The following TBC1D22B variants were observed in gnomAD, a reference collection of about 807,000 sequenced individuals.
TBC1D22B encodes the protein chromosome 6 open reading frame 197.
A neutral mutation model predicts 69.1 loss-of-function variants in TBC1D22B; 32 were observed. That is an observed-to-expected ratio of 0.46 (90% CI 0.35 to 0.62). The LOEUF (loss-of-function observed/expected upper bound fraction) is 0.62, where lower values mean the gene tolerates loss of function less well. Ranked by LOEUF, TBC1D22B falls within the 20% of genes least tolerant of loss-of-function variation. TBC1D22B has a pLI of 0.00. For synonymous variants in TBC1D22B, 206 were observed against 229.8 expected, an observed-to-expected ratio of 0.90 and a Z score of 0.94; for missense variants, 462 against 630.9, an observed-to-expected ratio of 0.73 and a Z score of 2.87.
chr6:37,308,575 G>T (rs1767807556), intron 8 of TBC1D22B, among the ~76,000 whole-genome samples: 1 of 152,156 alleles, frequency 6.6e-6, no homozygotes, highest in Non-Finnish European at 1.5e-5. Context: ...CCCCAAAATA[G>T]GGTTCAGCAC....
At chr6:37,285,055 C>T (rs953398148) in intron 6 of TBC1D22B, among the ~76,000 whole-genome samples, 1 of 152,136 alleles carries the variant, frequency 6.6e-6, no homozygotes, top group Admixed American at 6.5e-5. Context: ...GCGGAAAGGT[C>T]TGCTCCCAAC....
intron 4 of TBC1D22B, 103 bp from the exon 5 acceptor site, chr6:37,282,779 G>T (rs1349223110): frequency 5.4e-6 from 6 of 1,113,560 alleles, no homozygotes; most frequent in Middle Eastern, 4.4e-4. Context: ...GGTGGTGGTG[G>T]TGGTCTTACA....
chr6:37,288,469 G>C (rs930433342), intron 7 of TBC1D22B, among the ~76,000 whole-genome samples: 5 of 152,190 alleles, frequency 3.3e-5, no homozygotes, highest in African/African-American at 1.2e-4. Context: ...CCAGCACTTT[G>C]GGAGGCCAAG....
At position 37,324,245 on chromosome 6, in the gene TBC1D22B, G is replaced by C. The variant is rs369148395; in HGVS notation, c.1390-6799G>C. The C allele has an allele frequency of 2.9e-4, 132 of 455,230 alleles. No homozygotes were observed. In the East Asian group the frequency reaches 6.8e-3, roughly 24 times the overall value. The allele number at this position is 455,230 out of a possible 1,614,324, so 28.2% of individuals were successfully genotyped here. On this transcript the variant is annotated intron_variant, in intron 12 of 12. Coordinates refer to ENST00000373491, the MANE Select transcript of TBC1D22B (RefSeq NM_017772.4). ...TTTGTTGCTCATCATTATACATCCT[G>C]TGTTTGGTTGTGCCAGCCCTTATTG...
At chr6:37,292,037 A>G (rs1003750860) in intron 8 of TBC1D22B, among the ~76,000 whole-genome samples, 1 of 152,212 alleles carries the variant, frequency 6.6e-6, no homozygotes, top group Non-Finnish European at 1.5e-5. Context: ...TGAGAGAGTC[A>G]CAGGAAAACC....
rs1766051332 is a variant in TBC1D22B, at chr6:37,260,480, G to A, written c.56+2507G>A. ...TTTTTAAAAATAACAGCTTTATTGA[G>A]ATATAATTCACATACCATAAAATTC... On this transcript the variant is annotated intron_variant, in intron 1 of 12. Coordinates refer to ENST00000373491, the MANE Select transcript of TBC1D22B (RefSeq NM_017772.4). Among the ~76,000 whole-genome samples, 3 of 152,260 alleles carry A rather than the reference G, an allele frequency of 2.0e-5. No homozygotes were observed. In the South Asian group the frequency reaches 6.2e-4, roughly 32 times the overall value.
chr6:37,324,780 T>C (rs1768346293), intron 12 of TBC1D22B, among the ~76,000 whole-genome samples: 1 of 152,254 alleles, frequency 6.6e-6, no homozygotes, highest in Admixed American at 6.5e-5. Flanking sequence ...GTATATAGTC[T>C]AGTAATTATG....
intron 12 of TBC1D22B, among the ~76,000 whole-genome samples, chr6:37,327,343 T>A (rs1360446727): frequency 7.5e-6 from 1 of 132,788 alleles, no homozygotes; most frequent in Non-Finnish European, 1.6e-5. Context: ...CCGGGCGTGG[T>A]GGTGGGCGCC....
intron 12 of TBC1D22B, among the ~76,000 whole-genome samples, chr6:37,320,166 C>G (rs1423485864): frequency 2.0e-5 from 3 of 152,124 alleles, no homozygotes; most frequent in African/African-American, 7.2e-5. Context: ...ATAAAGGGAG[C>G]CAGTAAGGGG....
intron 3 of TBC1D22B, 25 bp downstream of exon 3, chr6:37,279,636 A>C (rs775100521): frequency 6.4e-7 from 1 of 1,574,004 alleles, no homozygotes; most frequent in South Asian, 1.2e-5. Context: ...CTCCCTTCAT[A>C]GCCTCAGCCT....
intron 8 of TBC1D22B, among the ~76,000 whole-genome samples, chr6:37,306,385 A>T (rs943797430): frequency 6.6e-6 from 1 of 152,222 alleles, no homozygotes; most frequent in African/African-American, 2.4e-5. Context: ...TGACACTGGC[A>T]GTGGGGACCC....
chr6:37,293,570 TC>T (rs1211237472), intron 8 of TBC1D22B, among the ~76,000 whole-genome samples: 1 of 152,142 alleles, frequency 6.6e-6, no homozygotes, highest in Non-Finnish European at 1.5e-5. Context: ...GCCTCCCTAT[TC>T]CCTGAGACAC....
At chr6:37,278,612 A>C (rs1031068463) in intron 2 of TBC1D22B, among the ~76,000 whole-genome samples, 1 of 152,258 alleles carries the variant, frequency 6.6e-6, no homozygotes, top group East Asian at 1.9e-4. Context: ...AGGTTCTACC[A>C]TCTTGCCAGT....
intron 8 of TBC1D22B, among the ~76,000 whole-genome samples, chr6:37,298,552 T>G (rs1562055927): frequency 7.0e-6 from 1 of 143,740 alleles, no homozygotes; most frequent in Non-Finnish European, 1.5e-5. Flanking sequence ...TTTTTTTTTT[T>G]TTTTTTTTTT....
intron 12 of TBC1D22B, 79 bp downstream of exon 12, chr6:37,317,285 G>A (rs1323215855): frequency 3.6e-6 from 5 of 1,398,446 alleles, no homozygotes; most frequent in Non-Finnish European, 4.9e-6. Flanking sequence ...AGTGCAGACA[G>A]AAGGTGCCAT....
At position 37,329,588 on chromosome 6, in the gene TBC1D22B, C is replaced by T. The variant is rs76359756; in HGVS notation, c.1390-1456C>T. Among the ~76,000 whole-genome samples, 1,461 of 152,312 alleles carry T rather than the reference C, an allele frequency of 9.6e-3. 12 individuals carry two copies. The highest frequency in any genetic ancestry group is 0.017 in the Non-Finnish European group (1,124 of 68,018). ...ATTTGTTAAGATGATATAAACTTGT[C>T]TACTGTAACCAAGACCTCAAAATAA... On this transcript the variant is annotated intron_variant, in intron 12 of 12. Transcript: ENST00000373491.
intron 10 of TBC1D22B, among the ~76,000 whole-genome samples, chr6:37,315,554 C>T: frequency 6.6e-6 from 1 of 151,562 alleles, no homozygotes; most frequent in East Asian, 2.0e-4. Flanking sequence ...AGGAATCCTT[C>T]CTCTCCTTAA....
At chr6:37,322,489 C>G (rs1768279818) in intron 12 of TBC1D22B, among the ~76,000 whole-genome samples, 1 of 152,030 alleles carries the variant, frequency 6.6e-6, no homozygotes, top group Non-Finnish European at 1.5e-5. Flanking sequence ...TGCACTCCAG[C>G]CAGGGCAGCA....
At chr6:37,286,854 G>A (rs1218161602) in intron 6 of TBC1D22B, among the ~76,000 whole-genome samples, 153 bp from the exon 7 acceptor site, 1 of 152,060 alleles carries the variant, frequency 6.6e-6, no homozygotes, top group East Asian at 1.9e-4. Context: ...TGAGGCAGGA[G>A]AATCGCTTGA....
Sources: allele counts gnomAD v4.1 joint callset (sites outside exome capture counted in the v4.1 genomes callset), GRCh38; gene constraint gnomAD v4.1.1; transcripts MANE v1.5; gene names NCBI Gene and HGNC (gene_info 2026-07-23, HGNC 2026-07-21).